AGBL4: variants seen among roughly 807,000 people sequenced by gnomAD.
AGBL4 encodes AGBL carboxypeptidase 4.
In AGBL4, 58 loss-of-function variants were observed where a neutral mutation model predicts 66.4. That is an observed-to-expected ratio of 0.87 (90% CI 0.71 to 1.09). The LOEUF is 1.09. Among genes scored for constraint, AGBL4 ranks in the 50% least tolerant of loss-of-function variants. AGBL4 has a pLI of 0.00. For missense variants in AGBL4, 579 were observed against 631.0 expected, an observed-to-expected ratio of 0.92 and a Z score of 0.88; for synonymous variants, 234 against 222.9, an observed-to-expected ratio of 1.05 and a Z score of -0.44.
chr1:49,026,053 T>C (rs1057464898), intron 5 of AGBL4, among the ~76,000 whole-genome samples: 1 of 152,110 alleles, frequency 6.6e-6, no homozygotes, highest in African/African-American at 2.4e-5. Context: ...TTTTAGGACA[T>C]TGTCATTGCC....
chr1:49,537,007 A>C (rs1570973830), intron 3 of AGBL4, among the ~76,000 whole-genome samples: 2 of 144,088 alleles, frequency 1.4e-5, no homozygotes, highest in East Asian at 4.0e-4. Context: ...ACTCCATCTC[A>C]AAAAAAAAAA....
At chr1:49,599,394 G>A (rs1644911215) in intron 3 of AGBL4, among the ~76,000 whole-genome samples, 2 of 152,144 alleles carry the variant, frequency 1.3e-5, no homozygotes, top group African/African-American at 4.8e-5. Context: ...TTTGCGTAGA[G>A]GTGTTTACAG....
chr1:48,883,538 G>A (rs1649992386), intron 5 of AGBL4, among the ~76,000 whole-genome samples: 4 of 152,204 alleles, frequency 2.6e-5, no homozygotes, highest in Non-Finnish European at 1.5e-5. Flanking sequence ...TCCCCACTGC[G>A]GATTGGTTTA....
intron 6 of AGBL4, among the ~76,000 whole-genome samples, chr1:48,735,868 C>T (rs568187460): frequency 6.6e-6 from 1 of 152,258 alleles, no homozygotes; most frequent in South Asian, 2.1e-4. Context: ...CCTCACCATA[C>T]ACATCTGTGT....
chr1:49,407,674 G>GA (rs960528728), intron 3 of AGBL4, among the ~76,000 whole-genome samples: 13 of 149,608 alleles, frequency 8.7e-5, no homozygotes, highest in Admixed American at 3.3e-4. Flanking sequence ...TCTATGTCTT[G>GA]AAAAAAAAAG....
At chr1:49,977,877 G>A (rs2148377480) in intron 1 of AGBL4, among the ~76,000 whole-genome samples, 1 of 152,230 alleles carries the variant, frequency 6.6e-6, no homozygotes, top group Non-Finnish European at 1.5e-5. Flanking sequence ...TAGGCCTGCT[G>A]CCTAGCCATT....
At chr1:49,563,659 C>T (rs1644113636) in intron 3 of AGBL4, among the ~76,000 whole-genome samples, 1 of 151,940 alleles carries the variant, frequency 6.6e-6, no homozygotes, top group African/African-American at 2.4e-5. Flanking sequence ...GGGATGAAGC[C>T]CACTTGATCA....
chr1:49,365,614 A>T (rs1570533065), intron 3 of AGBL4, among the ~76,000 whole-genome samples: 1 of 151,892 alleles, frequency 6.6e-6, no homozygotes. Flanking sequence ...TCTGTGAAAC[A>T]GAAGTATTAA....
intron 5 of AGBL4, among the ~76,000 whole-genome samples, chr1:49,003,258 C>T (rs1330131002): frequency 6.6e-6 from 1 of 151,858 alleles, no homozygotes; most frequent in Non-Finnish European, 1.5e-5. Flanking sequence ...ATTAGCTGGG[C>T]GTGGTGGCAC....
Position 49,247,585 on chromosome 1 carries a change from CT to C in AGBL4, c.283-1722del, listed in dbSNP as rs538922092. On this transcript the variant is annotated intron_variant, in intron 3 of 13. Coordinates refer to ENST00000371839, the MANE Select transcript of AGBL4 (RefSeq NM_032785.4). The stretch of plus-strand genomic sequence containing the variant: ...GAACCTCAGAGGGCATAAGCCCCCC[CT>C]TTTTTTTCTGAGATTCCAGTTGTCA... Among the ~76,000 whole-genome samples, 437 of 152,020 alleles carry C rather than the reference CT, an allele frequency of 2.9e-3. 3 individuals are homozygous for C. Among genetic ancestry groups the C allele is most frequent in the African/African-American group, 9.9e-3 (412 of 41,508 alleles).
chr1:49,600,478 C>T (rs879207303), intron 3 of AGBL4, among the ~76,000 whole-genome samples: 7 of 152,144 alleles, frequency 4.6e-5, no homozygotes, highest in African/African-American at 1.7e-4. Flanking sequence ...TATTCCTCCA[C>T]CAATTATTTT....
At chr1:48,827,096 T>A (rs4926764) in intron 6 of AGBL4, among the ~76,000 whole-genome samples, 80,160 of 152,060 alleles carry the variant, frequency 0.53, 22,850 homozygotes, top group Non-Finnish European at 0.66. Flanking sequence ...AAATTACCCC[T>A]GATTTCTTAA....
At chr1:49,961,379 C>T (rs1449164682) in intron 1 of AGBL4, among the ~76,000 whole-genome samples, 1 of 151,880 alleles carries the variant, frequency 6.6e-6, no homozygotes, top group South Asian at 2.1e-4. Flanking sequence ...GTGGTGCACA[C>T]CTCTAGTCCT....
intron 6 of AGBL4, among the ~76,000 whole-genome samples, chr1:48,682,772 T>C (rs1264968819): frequency 6.6e-6 from 1 of 152,202 alleles, no homozygotes; most frequent in Non-Finnish European, 1.5e-5. Flanking sequence ...GTAATCTCCC[T>C]TCCCTGTTTA....
chr1:49,358,545 C>T (rs1644068256), intron 3 of AGBL4, among the ~76,000 whole-genome samples: 1 of 152,146 alleles, frequency 6.6e-6, no homozygotes, highest in Admixed American at 6.5e-5. Context: ...TCTGGGAACA[C>T]CACTATTCCA....
chr1:49,742,705 T>A (rs1284130822), intron 2 of AGBL4, among the ~76,000 whole-genome samples: 6 of 152,028 alleles, frequency 3.9e-5, no homozygotes, highest in Non-Finnish European at 1.5e-5. Flanking sequence ...AAAACAGAGA[T>A]ACAGACCAAT....
At chr1:49,168,022 G>A (rs1268829858) in intron 4 of AGBL4, among the ~76,000 whole-genome samples, 1 of 152,138 alleles carries the variant, frequency 6.6e-6, no homozygotes, top group Non-Finnish European at 1.5e-5. Context: ...AAGTAATCCA[G>A]AGATAATTTT....
At chr1:49,246,149 T>C (rs1651628683) in intron 3 of AGBL4, among the ~76,000 whole-genome samples, 1 of 151,988 alleles carries the variant, frequency 6.6e-6, no homozygotes, top group Admixed American at 6.6e-5. Flanking sequence ...TTCAGTGTCC[T>C]GATCTGAAAA....
intron 1 of AGBL4, among the ~76,000 whole-genome samples, chr1:49,933,929 T>G (rs977652115): frequency 1.3e-5 from 2 of 152,144 alleles, no homozygotes; most frequent in African/African-American, 4.8e-5. Flanking sequence ...TACTTTAACA[T>G]AAATTAAACT....
Sources: gnomAD v4.1 joint callset for allele counts (sites outside exome capture counted in the v4.1 genomes callset) on GRCh38, gnomAD v4.1.1 for gene constraint, MANE v1.5 for transcripts, NCBI Gene and HGNC (gene_info 2026-07-23, HGNC 2026-07-21) for gene names.